AOAH: variants seen among roughly 807,000 people sequenced by gnomAD.
AOAH encodes the protein acyloxyacyl hydrolase (neutrophil).
AOAH carries 64 observed loss-of-function variants against 92.2 expected under a neutral mutation model. The observed-to-expected ratio is 0.69, with a 90% CI of 0.57 to 0.86. AOAH has a LOEUF of 0.86. Among genes scored for constraint, AOAH ranks in the 40% least tolerant of loss-of-function variants. The probability of loss-of-function intolerance (pLI) is 0.00; values close to 1 mark genes in which losing one functional copy is unlikely to be tolerated. For synonymous variants in AOAH, 263 were observed against 254.5 expected (o/e 1.03, Z -0.32); for missense variants, 656 against 694.6 (o/e 0.94, Z 0.62).
At chr7:36,626,788 G>GTTTTTA (rs1792695508) in intron 6 of AOAH, among the ~76,000 whole-genome samples, 1 of 152,098 alleles carries the variant, frequency 6.6e-6, no homozygotes, top group African/African-American at 2.4e-5. Flanking sequence ...GTTTGTTTTT[G>GTTTTTA]TGTTTGTTTT....
chr7:36,589,510 T>C (rs191434641), intron 12 of AOAH, among the ~76,000 whole-genome samples: 109 of 152,252 alleles, frequency 7.2e-4, no homozygotes, highest in South Asian at 3.5e-3. Context: ...AGCAGGAGCA[T>C]CTCTCTTGAA....
rs373011325 is a variant in AOAH at position 36,543,243 on chromosome 7, G to A, written c.1134-2752C>T. On this transcript the variant is annotated intron_variant, in intron 15 of 20. Coordinates refer to ENST00000617537, the MANE Select transcript of AOAH (RefSeq NM_001637.4). ...TTGCGACTAGGTTGCCTACCTACTA[G>A]AGCAGAAGCGTGGGGAGGGGCTTTG... Among the ~76,000 whole-genome samples, 28 of 152,190 alleles carry A rather than the reference G, an allele frequency of 1.8e-4. 1 individual carries two copies. Among genetic ancestry groups the A allele is most frequent in the Admixed American group, 1.0e-3 (16 of 15,274 alleles).
intron 1 of AOAH, among the ~76,000 whole-genome samples, chr7:36,705,224 A>G (rs962065703): frequency 1.3e-5 from 2 of 152,226 alleles, no homozygotes; most frequent in African/African-American, 4.8e-5. Flanking sequence ...ACATGATTGT[A>G]TATTTAGAAA....
intron 13 of AOAH, among the ~76,000 whole-genome samples, chr7:36,559,654 T>C (rs1787110510): frequency 6.6e-6 from 1 of 152,180 alleles, no homozygotes; most frequent in Admixed American, 6.5e-5. Context: ...TATTCGACCT[T>C]GATTGGATGC....
At chr7:36,687,701 T>G (rs7802502) in intron 1 of AOAH, among the ~76,000 whole-genome samples, 2,789 of 152,260 alleles carry the variant, frequency 0.018, 94 homozygotes, top group African/African-American at 0.064. Flanking sequence ...GGAAGGTTTA[T>G]GTCCTACAAA....
intron 16 of AOAH, among the ~76,000 whole-genome samples, chr7:36,536,087 C>G (rs548616123): frequency 6.6e-6 from 1 of 152,046 alleles, no homozygotes; most frequent in Non-Finnish European, 1.5e-5. Flanking sequence ...CCCCCTTGTC[C>G]CTGGCAGGAG....
intron 15 of AOAH, among the ~76,000 whole-genome samples, chr7:36,543,170 T>C (rs1785537626): frequency 6.6e-6 from 1 of 152,188 alleles, no homozygotes; most frequent in Admixed American, 6.5e-5. Flanking sequence ...AATTACACTA[T>C]TTTAAAAATA....
At chr7:36,639,481 A>G (rs947806844) in intron 4 of AOAH, among the ~76,000 whole-genome samples, 5 of 152,240 alleles carry the variant, frequency 3.3e-5, no homozygotes, top group Admixed American at 6.5e-5. Flanking sequence ...GTAGGTGCTC[A>G]GTAAACATGG....
chr7:36,631,907 G>T, intron 6 of AOAH, 129 bp downstream of exon 6: 1 of 703,634 alleles, frequency 1.4e-6, no homozygotes, highest in Non-Finnish European at 2.4e-6. Flanking sequence ...GCAATGTTTT[G>T]AGAAAGAAAC....
intron 15 of AOAH, among the ~76,000 whole-genome samples, 175 bp downstream of exon 15, chr7:36,548,437 C>T (rs529384536): frequency 1.3e-5 from 2 of 152,256 alleles, no homozygotes; most frequent in South Asian, 2.1e-4. Flanking sequence ...CTGCCCACCT[C>T]GGCCTCCCAA....
chr7:36,603,118 G>A (rs1276093105), intron 11 of AOAH, among the ~76,000 whole-genome samples: 1 of 152,142 alleles, frequency 6.6e-6, no homozygotes, highest in Non-Finnish European at 1.5e-5. Context: ...GTAGGTTTGT[G>A]GTGGGGCCCT....
intron 1 of AOAH, among the ~76,000 whole-genome samples, chr7:36,718,394 G>A (rs1429046531): frequency 2.6e-5 from 4 of 152,082 alleles, no homozygotes; most frequent in African/African-American, 9.7e-5. Context: ...AAATAGTTTG[G>A]CAGTTCCTCA....
At chr7:36,605,741 C>T (rs968810306) in intron 11 of AOAH, among the ~76,000 whole-genome samples, 25 of 152,224 alleles carry the variant, frequency 1.6e-4, no homozygotes, top group East Asian at 1.2e-3. Context: ...AGGTGAGAGA[C>T]GCAGATTCTC....
chr7:36,540,521 G>A, intron 15 of AOAH, 30 bp from the exon 16 acceptor site: 1 of 1,590,580 alleles, frequency 6.3e-7, no homozygotes, highest in Non-Finnish European at 8.6e-7. Flanking sequence ...AAAATATCTT[G>A]GTTGATTGTA....
chr7:36,723,897 A>T, intron 1 of AOAH, 125 bp downstream of exon 1: 1 of 1,054,686 alleles, frequency 9.5e-7, no homozygotes, highest in Non-Finnish European at 1.3e-6. Flanking sequence ...CAGTGAGGTT[A>T]CTGGTGCCTT....
intron 4 of AOAH, among the ~76,000 whole-genome samples, chr7:36,643,816 A>G (rs1794062130): frequency 6.6e-6 from 1 of 152,070 alleles, no homozygotes. Context: ...AAAAGGGTGT[A>G]GGACTCCCTT....
chr7:36,546,419 C>G (rs1785804741), intron 15 of AOAH, among the ~76,000 whole-genome samples: 1 of 152,206 alleles, frequency 6.6e-6, no homozygotes, highest in Non-Finnish European at 1.5e-5. Context: ...TTTAACCCCT[C>G]CACAGGACAT....
intron 4 of AOAH, among the ~76,000 whole-genome samples, chr7:36,639,315 T>C (rs964750410): frequency 1.3e-5 from 2 of 152,196 alleles, no homozygotes; most frequent in Non-Finnish European, 1.5e-5. Flanking sequence ...GTGGCTACTT[T>C]TATCAGCAAA....
At chr7:36,651,141 T>C (rs546788130) in intron 4 of AOAH, among the ~76,000 whole-genome samples, 1 of 152,342 alleles carries the variant, frequency 6.6e-6, no homozygotes, top group South Asian at 2.1e-4. Flanking sequence ...GGGGTTTCTG[T>C]TCCTCCTTGC....
Sources: gnomAD v4.1 joint callset for allele counts (sites outside exome capture counted in the v4.1 genomes callset) on GRCh38, gnomAD v4.1.1 for gene constraint, MANE v1.5 for transcripts, NCBI Gene and HGNC (gene_info 2026-07-23, HGNC 2026-07-21) for gene names.